Variants in FAT3 observed in about 807,000 individuals in gnomAD.
The protein encoded by FAT3 is FAT atypical cadherin 3, also known as protocadherin Fat 3.
In FAT3, 95 loss-of-function variants were observed where a neutral mutation model predicts 310.2. That is an observed-to-expected ratio of 0.31 (90% CI 0.26 to 0.36). FAT3 has a LOEUF of 0.36. FAT3 is among the 10% of genes least tolerant of loss of function. The pLI, the probability that FAT3 is intolerant of heterozygous loss-of-function variation, is 1.00. For synonymous variants in FAT3, 2,314 were observed against 2,192.9 expected, an observed-to-expected ratio of 1.06 and a Z score of -1.54; for missense variants, 5,408 against 5,715.6, an observed-to-expected ratio of 0.95 and a Z score of 1.74.
intron 3 of FAT3, among the ~76,000 whole-genome samples, chr11:92,614,507 G>A: frequency 6.6e-6 from 1 of 152,080 alleles, no homozygotes; most frequent in East Asian, 1.9e-4. Context: ...ATGGTGTTGT[G>A]TATCTTTTCA....
intron 2 of FAT3, among the ~76,000 whole-genome samples, chr11:92,433,382 C>G (rs1415601529): frequency 2.6e-5 from 4 of 152,212 alleles, no homozygotes; most frequent in Non-Finnish European, 4.4e-5. Context: ...AAGGGAACCT[C>G]CTGGTCTGCA....
chr11:92,609,755 T>G (rs1397907098), intron 3 of FAT3, among the ~76,000 whole-genome samples: 2 of 152,180 alleles, frequency 1.3e-5, no homozygotes, highest in Non-Finnish European at 2.9e-5. Context: ...GTGTCTATGA[T>G]TTAAGCATAT....
At chr11:92,442,490 TAATA>T (rs1293959825) in intron 2 of FAT3, among the ~76,000 whole-genome samples, 3 of 151,910 alleles carry the variant, frequency 2.0e-5, no homozygotes, top group Non-Finnish European at 2.9e-5. Flanking sequence ...ATAAATAAAC[TAATA>T]AATAAAATGC....
intron 2 of FAT3, among the ~76,000 whole-genome samples, chr11:92,434,740 T>C (rs1591286532): frequency 6.6e-6 from 1 of 152,282 alleles, no homozygotes; most frequent in East Asian, 1.9e-4. Context: ...TGTTTGAGGA[T>C]TGGATAAAGA....
At chr11:92,471,185 G>A (rs1056595100) in intron 2 of FAT3, among the ~76,000 whole-genome samples, 2 of 151,970 alleles carry the variant, frequency 1.3e-5, no homozygotes, top group Non-Finnish European at 2.9e-5. Flanking sequence ...ATAAGTATCC[G>A]AAGCCTAAAT....
At chr11:92,521,714 G>T (rs1416562797) in intron 2 of FAT3, among the ~76,000 whole-genome samples, 1 of 152,084 alleles carries the variant, frequency 6.6e-6, no homozygotes, top group Admixed American at 6.6e-5. Flanking sequence ...TTTAGCTGTG[G>T]AGCCTTGGGC....
chr11:92,886,161 C>T (rs534386960), intron 24 of FAT3, among the ~76,000 whole-genome samples: 53 of 152,300 alleles, frequency 3.5e-4, no homozygotes, highest in African/African-American at 1.3e-3. Context: ...ACATTTCCCC[C>T]CAAAGTATTG....
At chr11:92,537,944 G>A (rs950076805) in intron 3 of FAT3, among the ~76,000 whole-genome samples, 13 of 152,040 alleles carry the variant, frequency 8.6e-5, no homozygotes, top group Non-Finnish European at 5.9e-5. Context: ...AGATATCAGG[G>A]AAAGATATTT....
chr11:92,488,105 G>C (rs1236574215), intron 2 of FAT3, among the ~76,000 whole-genome samples: 2 of 152,180 alleles, frequency 1.3e-5, no homozygotes, highest in Non-Finnish European at 2.9e-5. Context: ...CTGGATGGAT[G>C]GAGTAAGTAG....
intron 3 of FAT3, among the ~76,000 whole-genome samples, chr11:92,680,185 A>T (rs560913951): frequency 6.6e-6 from 1 of 151,910 alleles, no homozygotes; most frequent in Admixed American, 6.6e-5. Flanking sequence ...CTTTGCCTCA[A>T]CCAATACCCA....
intron 2 of FAT3, among the ~76,000 whole-genome samples, chr11:92,442,081 T>TTATATATATATATATATATA (rs869247397): frequency 1.4e-5 from 1 of 69,992 alleles, no homozygotes; most frequent in African/African-American, 8.2e-5. Context: ...AATATATATT[T>TTATATATATATATATATATA]TATATATATA....
intron 3 of FAT3, among the ~76,000 whole-genome samples, chr11:92,565,214 G>A (rs1052651641): frequency 5.3e-5 from 8 of 151,262 alleles, no homozygotes; most frequent in South Asian, 2.1e-4. Context: ...TATCACCACC[G>A]ATCCCACGGA....
At chr11:92,447,644 C>T (rs1591303842) in intron 2 of FAT3, among the ~76,000 whole-genome samples, 1 of 151,982 alleles carries the variant, frequency 6.6e-6, no homozygotes. Context: ...CCTGGTCTTA[C>T]TTAGAAGCGC....
At chr11:92,437,922 G>C (rs1950978549) in intron 2 of FAT3, among the ~76,000 whole-genome samples, 1 of 112,082 alleles carries the variant, frequency 8.9e-6, no homozygotes, top group African/African-American at 3.5e-5. Context: ...GACAGAGACA[G>C]AGACAGTTAG....
At chr11:92,803,065 C>T (rs1296268627) in intron 10 of FAT3, among the ~76,000 whole-genome samples, 1 of 151,792 alleles carries the variant, frequency 6.6e-6, no homozygotes, top group African/African-American at 2.4e-5. Flanking sequence ...GCAGTTAAAA[C>T]ATGAAAGATA....
intron 2 of FAT3, among the ~76,000 whole-genome samples, chr11:92,376,151 G>A (rs1235306563): frequency 6.6e-6 from 1 of 152,176 alleles, no homozygotes; most frequent in Non-Finnish European, 1.5e-5. Context: ...ATGTTAAAGA[G>A]TTTGTACCCC....
At chr11:92,472,028 A>G (rs1018877530) in intron 2 of FAT3, among the ~76,000 whole-genome samples, 1 of 150,328 alleles carries the variant, frequency 6.7e-6, no homozygotes, top group Non-Finnish European at 1.5e-5. Flanking sequence ...TTAAAATGCA[A>G]AAGATTATTA....
At chr11:92,818,779 A>G (rs1947887362) in intron 13 of FAT3, among the ~76,000 whole-genome samples, 1 of 152,164 alleles carries the variant, frequency 6.6e-6, no homozygotes. Context: ...CCAAGACTGA[A>G]TGAAAAGCAC....
At chr11:92,556,660 A>G (rs1565408976) in intron 3 of FAT3, among the ~76,000 whole-genome samples, 1 of 152,188 alleles carries the variant, frequency 6.6e-6, no homozygotes, top group Non-Finnish European at 1.5e-5. Context: ...CCTTTGTTTC[A>G]TGAACATGCT....
Sources: gnomAD v4.1 joint callset for allele counts (sites outside exome capture counted in the v4.1 genomes callset) on GRCh38, gnomAD v4.1.1 for gene constraint, MANE v1.5 for transcripts, NCBI Gene and HGNC (gene_info 2026-07-23, HGNC 2026-07-21) for gene names.